The following RASSF3 variants were observed in gnomAD, a reference collection of about 807,000 sequenced individuals.
The protein encoded by RASSF3 is ras association domain-containing protein 3.
Under a neutral mutation model 19.9 loss-of-function variants are expected in RASSF3, and 19 were observed. The observed-to-expected ratio is 0.96, with a 90% CI of 0.67 to 1.40. The LOEUF (loss-of-function observed/expected upper bound fraction) is 1.40. Among genes scored for constraint, RASSF3 ranks in the 40% most tolerant of loss-of-function variants. RASSF3 has a pLI of 0.00. For missense variants in RASSF3, 306 were observed against 289.8 expected, an observed-to-expected ratio of 1.06 and a Z score of -0.41; for synonymous variants, 110 against 104.2, an observed-to-expected ratio of 1.06 and a Z score of -0.34.
At chr12:64,597,678 G>A (rs565483844) in intron 2 of RASSF3, among the ~76,000 whole-genome samples, 535 of 151,832 alleles carry the variant, frequency 3.5e-3, no homozygotes, top group African/African-American at 0.012. Context: ...GGCTGGTCTC[G>A]AACTCCTGAC....
intron 2 of RASSF3, among the ~76,000 whole-genome samples, chr12:64,579,055 A>T (rs1307209651): frequency 1.3e-5 from 2 of 151,982 alleles, no homozygotes; most frequent in South Asian, 4.2e-4. Context: ...TGAACCCAGG[A>T]TGCAGAGGTT....
chr12:64,541,686 C>A lies in RASSF3; in HGVS notation c.173C>A (p.Ser58Ter). The A allele has an allele frequency of 2.5e-6, 1 of 398,566 alleles. No individual in the cohort carries two copies. Among genetic ancestry groups the A allele is most frequent in the Non-Finnish European group, 4.4e-6 (1 of 226,046 alleles). 24.7% of individuals were successfully genotyped at this position (398,566 alleles called of 1,614,324 possible). A position where few individuals can be genotyped will look rare whatever the true frequency, so the allele number is the denominator to read the frequency against. The change falls in exon 2 of 2, where the codon TCA becomes TAA. Residue 58 changes from serine to a stop codon, truncating the protein, a stop_gained. Coordinates refer to the RASSF3 transcript ENST00000636333. LOFTEE classifies it high-confidence loss of function. ...ATGCCGACTTCTGAAGTAAGATATT[C>A]AATCAAAAAGAACAGTCAGGTAGGC...
chr12:64,650,564 C>T (rs908627675), intron 1 of RASSF3, among the ~76,000 whole-genome samples: 3 of 151,586 alleles, frequency 2.0e-5, no homozygotes, highest in Non-Finnish European at 2.9e-5. Context: ...TACAGGTGCG[C>T]GCCACCACAC....
chr12:64,512,673 T>G (rs1214014663), intron 1 of RASSF3, among the ~76,000 whole-genome samples: 1 of 152,164 alleles, frequency 6.6e-6, no homozygotes, highest in Non-Finnish European at 1.5e-5. Context: ...AATCAATAGT[T>G]ATTAGTCCCT....
At chr12:64,671,530 C>G (rs1872703159) in intron 1 of RASSF3, among the ~76,000 whole-genome samples, 1 of 152,216 alleles carries the variant, frequency 6.6e-6, no homozygotes, top group South Asian at 2.1e-4. Context: ...GAGAGGACTT[C>G]TGCAGCAAAG....
intron 1 of RASSF3, among the ~76,000 whole-genome samples, chr12:64,518,324 TGGCCCA>T (rs1349861668): frequency 6.6e-6 from 1 of 152,198 alleles, no homozygotes; most frequent in African/African-American, 2.4e-5. Flanking sequence ...AGAGCTATAT[TGGCCCA>T]TGGTTCTGCA....
chr12:64,529,988 C>T (rs903423459), upstream of RASSF3, among the ~76,000 whole-genome samples: 2 of 152,136 alleles, frequency 1.3e-5, no homozygotes. Flanking sequence ...TACCAACCTA[C>T]TCCCATCTCA....
intron 1 of RASSF3, among the ~76,000 whole-genome samples, chr12:64,637,422 TC>T (rs1300796760): frequency 1.5e-5 from 2 of 135,876 alleles, no homozygotes; most frequent in Non-Finnish European, 3.3e-5. Flanking sequence ...GTAGTTTCTT[TC>T]TTTTTTTTTT....
chr12:64,599,469 G>A (rs1481818310), intron 2 of RASSF3, among the ~76,000 whole-genome samples: 2 of 152,150 alleles, frequency 1.3e-5, no homozygotes, highest in African/African-American at 4.8e-5. Flanking sequence ...TACAATCTCT[G>A]TCACACAAAG....
At chr12:64,681,681 G>C (rs995887587) in intron 1 of RASSF3, among the ~76,000 whole-genome samples, 2 of 152,176 alleles carry the variant, frequency 1.3e-5, no homozygotes, top group Non-Finnish European at 2.9e-5. Flanking sequence ...ATTGTGGATT[G>C]GTAAGAGCAA....
chr12:64,632,933 GAA>G (rs960744947), intron 1 of RASSF3, among the ~76,000 whole-genome samples: 1 of 152,058 alleles, frequency 6.6e-6, no homozygotes, highest in Non-Finnish European at 1.5e-5. Flanking sequence ...AACTTTCTTA[GAA>G]AAAAAGTCTT....
chr12:64,597,736 G>A (rs946555363), intron 2 of RASSF3, among the ~76,000 whole-genome samples: 5 of 152,124 alleles, frequency 3.3e-5, no homozygotes, highest in African/African-American at 1.2e-4. Flanking sequence ...GGGATTACAG[G>A]CATGCGCCAA....
intron 2 of RASSF3, among the ~76,000 whole-genome samples, chr12:64,593,128 G>A (rs2136141445): frequency 6.6e-6 from 1 of 152,282 alleles, no homozygotes; most frequent in East Asian, 1.9e-4. Flanking sequence ...AGAAGTATAT[G>A]TATATAATTG....
At chr12:64,684,383 C>A (rs992814179) in intron 1 of RASSF3, among the ~76,000 whole-genome samples, 21 of 151,208 alleles carry the variant, frequency 1.4e-4, no homozygotes, top group Non-Finnish European at 2.5e-4. Flanking sequence ...CGTGCCCGGC[C>A]CTTGTGTGGA....
intron 1 of RASSF3, among the ~76,000 whole-genome samples, chr12:64,650,362 C>T (rs989250196): frequency 1.3e-5 from 2 of 151,302 alleles, no homozygotes; most frequent in South Asian, 4.2e-4. Context: ...TCAGTGATGA[C>T]CTCAGTGATA....
intron 1 of RASSF3, among the ~76,000 whole-genome samples, chr12:64,662,170 G>A (rs1872391064): frequency 6.6e-6 from 1 of 151,758 alleles, no homozygotes; most frequent in Admixed American, 6.6e-5. Context: ...TGTAATCCTG[G>A]CACTTTGGGA....
At chr12:64,573,757 T>C (rs1869554831) in intron 2 of RASSF3, among the ~76,000 whole-genome samples, 1 of 152,112 alleles carries the variant, frequency 6.6e-6, no homozygotes. Flanking sequence ...GTTTAAATCT[T>C]TGTAACCTAA....
intron 2 of RASSF3, among the ~76,000 whole-genome samples, chr12:64,566,373 G>C (rs763087110): frequency 2.6e-5 from 4 of 152,148 alleles, no homozygotes; most frequent in Non-Finnish European, 4.4e-5. Context: ...CTGTTACAAA[G>C]CATTTGAAAA....
chr12:64,679,992 A>G (rs1253663258), intron 1 of RASSF3, among the ~76,000 whole-genome samples: 1 of 152,102 alleles, frequency 6.6e-6, no homozygotes, highest in Non-Finnish European at 1.5e-5. Context: ...TATTGTATCT[A>G]TTCCACGTCC....
Sources: allele counts gnomAD v4.1 joint callset (sites outside exome capture counted in the v4.1 genomes callset), GRCh38; gene constraint gnomAD v4.1.1; transcripts MANE v1.5; gene names NCBI Gene and HGNC (gene_info 2026-07-23, HGNC 2026-07-21).